The following TTF2 variants were observed in gnomAD, a reference collection of about 807,000 sequenced individuals.
TTF2 encodes the protein transcription termination factor 2.
TTF2 carries 108 observed loss-of-function variants against 142.4 expected under a neutral mutation model. The ratio of observed to expected loss-of-function variants is 0.76; its 90% confidence interval spans 0.65 to 0.89. The LOEUF (loss-of-function observed/expected upper bound fraction) is 0.89, where lower values mean the gene tolerates loss of function less well. Ranked by LOEUF, TTF2 falls within the 40% of genes least tolerant of loss-of-function variation. The probability of loss-of-function intolerance (pLI) is 0.00; values close to 1 mark genes in which losing one functional copy is unlikely to be tolerated. For missense variants in TTF2, 1,327 were observed against 1,379.8 expected, an observed-to-expected ratio of 0.96 and a Z score of 0.61; for synonymous variants, 483 against 506.2, an observed-to-expected ratio of 0.95 and a Z score of 0.61.
At position 117,066,030 on chromosome 1, in the gene TTF2, T is replaced by TATTACCCA. The variant is rs577636728; in HGVS notation, c.218+3557_218+3558insATTACCCA. On this transcript the variant is annotated intron_variant, in intron 3 of 22. Coordinates refer to ENST00000369466, the MANE Select transcript of TTF2 (RefSeq NM_003594.4). ...TTTTTTTTTTTTTGTAGAGACACGG[T>TATTACCCA]CTCACTGTATTACCCAGCCTGGTCT... Among the ~76,000 whole-genome samples the TATTACCCA allele has an allele frequency of 7.7e-4, 102 of 132,624 alleles. 1 individual carries two copies. The South Asian group carries it at 0.024, about 32-fold the overall frequency. 87.0% of individuals were successfully genotyped at this position (132,624 alleles called of 152,430 possible). A position where few individuals can be genotyped will look rare whatever the true frequency, so the allele number is the denominator to read the frequency against.
At chr1:117,088,657 T>G in intron 12 of TTF2, 144 bp from the exon 13 acceptor site, 1 of 755,090 alleles carries the variant, frequency 1.3e-6, no homozygotes, top group African/African-American at 1.8e-5. Flanking sequence ...TTGGGTTTCT[T>G]AATTCTTATT....
intron 10 of TTF2, 34 bp downstream of exon 10, chr1:117,081,981 C>G: frequency 6.2e-7 from 1 of 1,613,424 alleles, no homozygotes; most frequent in Non-Finnish European, 8.5e-7. Context: ...CTGCCATTCC[C>G]TACGTCATTT....
chr1:117,069,819 A>G (rs1223160476), intron 3 of TTF2, among the ~76,000 whole-genome samples: 1 of 152,162 alleles, frequency 6.6e-6, no homozygotes, highest in African/African-American at 2.4e-5. Context: ...GGAAAATGGG[A>G]GGATTTGTGT....
In TTF2 at chr1:117,101,497, T is replaced by G; in HGVS notation, c.3462T>G (p.Ala1154=). 6.3e-7 allele frequency: 1 copy of G among 1,599,978 alleles called. No individual in the cohort carries two copies. The highest frequency in any genetic ancestry group is 2.2e-5 in the East Asian group (1 of 44,734). The change falls in exon 23 of 23, where the codon GCT becomes GCG. Residue 1154 remains alanine (A), a synonymous_variant. Transcript: ENST00000369466. The surrounding 1 kb of genome is among the most constrained non-coding windows in gnomAD (Gnocchi z 5.9). Reference sequence around the variant, plus strand: ...AATCTGTCACCAAGCTCACCTTGGCTGACCTCAGAGTCCTTTTTGGCATCT... The same window carrying G: ...AATCTGTCACCAAGCTCACCTTGGCGGACCTCAGAGTCCTTTTTGGCATCT... ...SGESVTKLTL[A]DLRVLFGI is the part of the protein sequence containing the mutation.
At chr1:117,084,325 T>G (rs928515572) in intron 11 of TTF2, among the ~76,000 whole-genome samples, 157 bp downstream of exon 11, 1 of 152,226 alleles carries the variant, frequency 6.6e-6, no homozygotes, top group African/African-American at 2.4e-5. Context: ...GCCTTTGCGT[T>G]GTATCCTGAG....
Position 117,090,721 on chromosome 1 carries a change from A to G in TTF2, c.2588+98A>G. On this transcript the variant is annotated intron_variant, in intron 15 of 22. Coordinates refer to ENST00000369466, the MANE Select transcript of TTF2 (RefSeq NM_003594.4). The surrounding 1 kb of genome is among the most constrained non-coding windows in gnomAD (Gnocchi z 4.8). The stretch of plus-strand genomic sequence containing the variant: ...GTCAAATTTCCACAAACTTTATGGC[A>G]TTATTGATTAGTTGGATGTCTGTAT... 2 of 994,854 alleles carry G rather than the reference A, an allele frequency of 2.0e-6. No homozygotes were observed. Among genetic ancestry groups the G allele is most frequent in the Middle Eastern group, 3.1e-4 (1 of 3,248 alleles). 61.6% of individuals were successfully genotyped at this position (994,854 alleles called of 1,614,324 possible). A position where few individuals can be genotyped will look rare whatever the true frequency, so the allele number is the denominator to read the frequency against.
rs1196005652 is a variant in TTF2, at chr1:117,077,910, A to T, written c.1574-6A>T. 6.2e-7 allele frequency: 1 copy of T among 1,613,966 alleles called. No homozygotes were observed. Among genetic ancestry groups the T allele is most frequent in the African/African-American group, 1.3e-5 (1 of 74,924 alleles). On this transcript the variant is annotated splice_polypyrimidine_tract_variant and splice_region_variant and intron_variant, in intron 7 of 22. Transcript: ENST00000369466. Reference sequence around the variant, plus strand: ...CATCTTTTAGGTAACACCTATTTGTATGCAGGCCATACAAACCAAGATCAC... The same window carrying T: ...CATCTTTTAGGTAACACCTATTTGTTTGCAGGCCATACAAACCAAGATCAC...
Position 117,075,599 on chromosome 1 carries a change from C to G in TTF2, c.1015C>G (p.Leu339Val). 1.9e-6 allele frequency: 3 copies of G among 1,614,198 alleles called. No individual in the cohort carries two copies. The highest frequency in any genetic ancestry group is 2.7e-5 in the African/African-American group (2 of 75,070). Residue 339 changes from leucine (L) to valine (V), a missense_variant, in exon 5 of 23, where the codon CTT becomes GTT. By Grantham distance (32) the Leu-to-Val change is conservative. Coordinates refer to ENST00000369466, the MANE Select transcript of TTF2 (RefSeq NM_003594.4). The surrounding 1 kb of genome is among the most constrained non-coding windows in gnomAD (Gnocchi z 4.5). Reference sequence around the variant, plus strand: ...TCAGGCTGCACCAGCAGCACCAGGGCTTTCCCTGGGTGAGGGCCGTGAAGC... The same window carrying G: ...TCAGGCTGCACCAGCAGCACCAGGGGTTTCCCTGGGTGAGGGCCGTGAAGC... Reference protein sequence around the residue: ...AAQAAPAAPGLSLGEGREAAT... With the variant: ...AAQAAPAAPGVSLGEGREAAT...
chr1:117,075,112 A>G lies in TTF2; in HGVS notation c.528A>G (p.Lys176=), dbSNP rs371200294. 39 of 1,614,018 alleles carry G rather than the reference A, an allele frequency of 2.4e-5. No individual in the cohort carries two copies. Among genetic ancestry groups the G allele is most frequent in the East Asian group, 2.2e-4 (10 of 44,890 alleles). ...KKEQKPEMME[K]DLSSGLVPKK... is the part of the protein sequence containing the mutation. ...AACAGAAGCCTGAAATGATGGAGAA[A>G]GACCTCTCATCTGGCCTGGTACCAA... Residue 176 remains lysine, a synonymous_variant, in exon 5 of 23, where the codon AAA becomes AAG. Transcript: ENST00000369466. The surrounding 1 kb of genome is among the most constrained non-coding windows in gnomAD (Gnocchi z 4.5).
At chr1:117,091,147 A>T (rs751896360) in intron 15 of TTF2, among the ~76,000 whole-genome samples, 181 bp from the exon 16 acceptor site, 11 of 152,126 alleles carry the variant, frequency 7.2e-5, no homozygotes, top group East Asian at 3.8e-4. Context: ...AGCTTATTTT[A>T]AAAAAAGATT....
At chr1:117,064,544 G>A (rs1048002853) in intron 3 of TTF2, among the ~76,000 whole-genome samples, 2 of 152,006 alleles carry the variant, frequency 1.3e-5, no homozygotes, top group African/African-American at 4.8e-5. Context: ...GAGAGAGAGA[G>A]TTTCACTCTG....
At chr1:117,089,852 T>A (rs1648410762) in intron 13 of TTF2, among the ~76,000 whole-genome samples, 1 of 152,210 alleles carries the variant, frequency 6.6e-6, no homozygotes. Flanking sequence ...AAACTCACAT[T>A]TTTATAATGT....
rs746193055 is a variant in TTF2 at position 117,073,667 on chromosome 1, C to T, written c.225C>T (p.Phe75=). 1.2e-6 allele frequency: 2 copies of T among 1,608,764 alleles called. No individual in the cohort carries two copies. The highest frequency in any genetic ancestry group is 1.3e-5 in the African/African-American group (1 of 74,998). ...LPQDKKEYRL[F]FRCIRSKAEG... is the part of the protein sequence containing the mutation. ...GTGTTTTATACTTCATTAGATTGTT[C>T]TTCCGATGCATTAGAAGTAAGGCAG... is the stretch of plus-strand genomic sequence containing the variant. Residue 75 remains phenylalanine (F), a synonymous_variant, in exon 4 of 23, where the codon TTC becomes TTT. Coordinates refer to ENST00000369466, the MANE Select transcript of TTF2 (RefSeq NM_003594.4). The surrounding 1 kb of genome is among the most constrained non-coding windows in gnomAD (Gnocchi z 4.4).
rs746160789 is a variant in TTF2 at position 117,075,863 on chromosome 1, A to T, written c.1275+4A>T. 2 of 1,595,692 alleles carry T rather than the reference A, an allele frequency of 1.3e-6. No homozygotes were observed. Among genetic ancestry groups the T allele is most frequent in the Non-Finnish European group, 1.7e-6 (2 of 1,172,852 alleles). On this transcript the variant is annotated splice_donor_region_variant and intron_variant, in intron 5 of 22. Transcript: ENST00000369466. This position sits in a 1 kb window ranked among gnomAD's most constrained non-coding sequence, Gnocchi z 4.5. ...AACACAACTGAAACAAAAGAAGGTA[A>T]CTATTGACTCGTGTTTTGTTTCTGA... is the stretch of plus-strand genomic sequence containing the variant.
In TTF2 at chr1:117,097,463, C is replaced by CA. The variant is rs1269235812; in HGVS notation, c.3269+31dup. On this transcript the variant is annotated intron_variant, in intron 21 of 22. Coordinates refer to ENST00000369466, the MANE Select transcript of TTF2 (RefSeq NM_003594.4). The surrounding 1 kb of genome is among the most constrained non-coding windows in gnomAD (Gnocchi z 4.1). ...TGATTCCGGATTTGTCCTGGGTTGT[C>CA]ACAGCACATCAAGGAGGCCAGTGGG... 31 of 1,607,926 alleles carry CA rather than the reference C, an allele frequency of 1.9e-5. No homozygotes were observed. The highest frequency in any genetic ancestry group is 2.6e-5 in the Non-Finnish European group (30 of 1,174,394).
At position 117,075,581 on chromosome 1, in the gene TTF2, G is replaced by A. The variant is rs777506049; in HGVS notation, c.997G>A (p.Ala333Thr). 1.5e-5 allele frequency: 24 copies of A among 1,614,050 alleles called. No individual in the cohort carries two copies. In the Admixed American group the frequency reaches 2.2e-4, roughly 15 times the overall value. Residue 333 changes from alanine (A) to threonine (T), a missense_variant, in exon 5 of 23, where the codon GCA becomes ACA. By Grantham distance (58) the Ala-to-Thr change is moderately conservative. Coordinates refer to ENST00000369466, the MANE Select transcript of TTF2 (RefSeq NM_003594.4). The surrounding 1 kb of genome is among the most constrained non-coding windows in gnomAD (Gnocchi z 4.5). Reference protein sequence around the residue: ...PAPGGPAAQAAPAAPGLSLGE... With the variant: ...PAPGGPAAQATPAAPGLSLGE... ...TCCTGGAGGACCAGCGGCTCAGGCTGCACCAGCAGCACCAGGGCTTTCCCT... is the reference window on the plus strand; with the variant it reads ...TCCTGGAGGACCAGCGGCTCAGGCTACACCAGCAGCACCAGGGCTTTCCCT...
At chr1:117,083,447 GT>G (rs1364535759) in intron 10 of TTF2, among the ~76,000 whole-genome samples, 1 of 152,034 alleles carries the variant, frequency 6.6e-6, no homozygotes, top group Non-Finnish European at 1.5e-5. Flanking sequence ...TTTAAAAAAG[GT>G]TTCTGTACTT....
chr1:117,096,298 A>G lies in TTF2; in HGVS notation c.3185A>G (p.Gln1062Arg). ...GCATTTAACCACTCCAGAGGCCCTC[A>G]GGTACAAGCTGGTCACATCAGAGCC... The part of the protein sequence containing the change: ...VEAFNHSRGP[Q>R]VMLISLLAGG... Residue 1062 changes from glutamine (Q) to arginine (R), a missense_variant and splice_region_variant, in exon 20 of 23, where the codon CAG becomes CGG. Physicochemically the swap from Gln to Arg is conservative, Grantham distance 43 (BLOSUM62 1). Transcript: ENST00000369466. 2 of 1,614,072 alleles carry G rather than the reference A, an allele frequency of 1.2e-6. No individual in the cohort carries two copies. The highest frequency in any genetic ancestry group is 1.7e-4 in the Middle Eastern group (1 of 6,058).
rs1647943234 is a variant in TTF2, at chr1:117,085,747, A to C, written c.2055-670A>C. Among the ~76,000 whole-genome samples the C allele has an allele frequency of 6.6e-6, 1 of 152,136 alleles. No homozygotes were observed. The highest frequency in any genetic ancestry group is 2.1e-4 in the South Asian group (1 of 4,828). On this transcript the variant is annotated intron_variant, in intron 11 of 22. Coordinates refer to ENST00000369466, the MANE Select transcript of TTF2 (RefSeq NM_003594.4). The surrounding 1 kb of genome is among the most constrained non-coding windows in gnomAD (Gnocchi z 4.7). ...ACCTTGTCTCAAAAAATAAATAAATAAAATAAAGTATTTATTGAAGTTCTC... is the reference window on the plus strand; with the variant it reads ...ACCTTGTCTCAAAAAATAAATAAATCAAATAAAGTATTTATTGAAGTTCTC...
Sources: allele counts gnomAD v4.1 joint callset (sites outside exome capture counted in the v4.1 genomes callset), GRCh38; gene constraint gnomAD v4.1.1; non-coding constraint Gnocchi (gnomAD v3.1); transcripts MANE v1.5; gene names NCBI Gene and HGNC (gene_info 2026-07-23, HGNC 2026-07-21).